The following KCNMB2 variants were observed in gnomAD, a reference collection of about 807,000 sequenced individuals.
KCNMB2 encodes potassium calcium-activated channel subfamily M regulatory beta subunit 2, also known as calcium-activated potassium channel subunit beta-2.
Under a neutral mutation model 24.5 loss-of-function variants are expected in KCNMB2, and 9 were observed. The observed-to-expected ratio is 0.37, with a 90% CI of 0.22 to 0.64. KCNMB2 has a LOEUF of 0.64. Among genes scored for constraint, KCNMB2 ranks in the 30% least tolerant of loss-of-function variants. KCNMB2 has a pLI of 0.63. For missense variants in KCNMB2, 226 were observed against 284.3 expected, an observed-to-expected ratio of 0.79 and a Z score of 1.47; for synonymous variants, 109 against 104.4, an observed-to-expected ratio of 1.04 and a Z score of -0.27.
At chr3:178,598,458 G>A (rs992873606) in intron 1 of KCNMB2, among the ~76,000 whole-genome samples, 1 of 152,004 alleles carries the variant, frequency 6.6e-6, no homozygotes, top group Admixed American at 6.6e-5. Context: ...ACTCATTCTG[G>A]TAAGGAAACT....
At chr3:178,694,841 T>G (rs1046351148) in intron 1 of KCNMB2, among the ~76,000 whole-genome samples, 2 of 152,122 alleles carry the variant, frequency 1.3e-5, no homozygotes, top group African/African-American at 4.8e-5. Flanking sequence ...CTTTTCCAGG[T>G]GTACGGTGCA....
chr3:178,764,234 G>A (rs6443580), intron 1 of KCNMB2, among the ~76,000 whole-genome samples: 72,832 of 152,022 alleles, frequency 0.48, 17,899 homozygotes, highest in African/African-American at 0.6. Flanking sequence ...GGCACACTGA[G>A]TTATAAACTG....
In KCNMB2 at chr3:178,828,396, T is replaced by C. The variant is rs771819802; in HGVS notation, c.423+23T>C. ...AAGGTAGGAACTTGGCGTACTGCATTTCAGTTACCCCACAGAGCTTCACAC... is the reference window on the plus strand; with the variant it reads ...AAGGTAGGAACTTGGCGTACTGCATCTCAGTTACCCCACAGAGCTTCACAC... On this transcript the variant is annotated intron_variant, in intron 4 of 4. Transcript: ENST00000452583. 1.2e-5 allele frequency: 19 copies of C among 1,575,572 alleles called. 1 individual carries two copies. The Admixed American group carries it at 2.4e-4, about 20-fold the overall frequency.
At chr3:178,836,007 A>G (rs1269639555) in intron 4 of KCNMB2, among the ~76,000 whole-genome samples, 1 of 152,184 alleles carries the variant, frequency 6.6e-6, no homozygotes, top group African/African-American at 2.4e-5. Flanking sequence ...CAAGAATAAG[A>G]CAATTCCCTC....
At chr3:178,645,992 C>T (rs557119787) in intron 1 of KCNMB2, among the ~76,000 whole-genome samples, 52 of 152,098 alleles carry the variant, frequency 3.4e-4, no homozygotes, top group Admixed American at 7.2e-4. Flanking sequence ...TATTTTTTTC[C>T]GCTTAGAAGT....
At chr3:178,839,060 C>A (rs1157197925) in intron 4 of KCNMB2, among the ~76,000 whole-genome samples, 1 of 152,000 alleles carries the variant, frequency 6.6e-6, no homozygotes, top group African/African-American at 2.4e-5. Context: ...ATAAGTTAAT[C>A]ATTTGATTAC....
chr3:178,556,785 C>T (rs183163484), intron 1 of KCNMB2, among the ~76,000 whole-genome samples: 9 of 152,164 alleles, frequency 5.9e-5, no homozygotes, highest in Admixed American at 2.0e-4. Context: ...AAAGGAAGAG[C>T]GAATTTTACA....
At chr3:178,576,553 A>G (rs1294564274) in intron 1 of KCNMB2, among the ~76,000 whole-genome samples, 1 of 152,148 alleles carries the variant, frequency 6.6e-6, no homozygotes, top group African/African-American at 2.4e-5. Flanking sequence ...AGCTCAGCAG[A>G]TCCCACCCCC....
At chr3:178,613,853 T>C (rs1718583703) in intron 1 of KCNMB2, among the ~76,000 whole-genome samples, 1 of 152,162 alleles carries the variant, frequency 6.6e-6, no homozygotes, top group Non-Finnish European at 1.5e-5. Flanking sequence ...ACGTGGATAC[T>C]GATATCTTTC....
intron 1 of KCNMB2, among the ~76,000 whole-genome samples, chr3:178,765,769 T>C (rs1712092509): frequency 6.6e-6 from 1 of 152,222 alleles, no homozygotes; most frequent in South Asian, 2.1e-4. Context: ...TGTTCCCTAG[T>C]ACCAATAACT....
intron 1 of KCNMB2, among the ~76,000 whole-genome samples, chr3:178,792,496 A>T (rs1056728965): frequency 6.6e-5 from 10 of 152,204 alleles, no homozygotes; most frequent in Non-Finnish European, 1.2e-4. Context: ...CGGGAAGAAA[A>T]GAAGGAAGAA....
At chr3:178,787,002 C>T (rs1412825321) in intron 1 of KCNMB2, among the ~76,000 whole-genome samples, 2 of 152,034 alleles carry the variant, frequency 1.3e-5, no homozygotes, top group Non-Finnish European at 2.9e-5. Flanking sequence ...TCATCTTTTT[C>T]AATCCCACAT....
intron 1 of KCNMB2, among the ~76,000 whole-genome samples, chr3:178,779,225 G>C (rs550454709): frequency 6.6e-6 from 1 of 152,272 alleles, no homozygotes; most frequent in Admixed American, 6.5e-5. Flanking sequence ...CCATTTGATG[G>C]CCTTTCCCAG....
At chr3:178,661,502 T>G (rs543352911) in intron 1 of KCNMB2, among the ~76,000 whole-genome samples, 1 of 152,276 alleles carries the variant, frequency 6.6e-6, no homozygotes, top group East Asian at 1.9e-4. Context: ...CAGTCTCTCT[T>G]GCGGTCACTC....
chr3:178,580,105 T>C (rs1270120952), intron 1 of KCNMB2, among the ~76,000 whole-genome samples: 6 of 152,190 alleles, frequency 3.9e-5, no homozygotes, highest in African/African-American at 7.2e-5. Context: ...CTGATGAACA[T>C]TGATGTGAAA....
chr3:178,676,302 A>T (rs975402557), intron 1 of KCNMB2, among the ~76,000 whole-genome samples: 3 of 152,138 alleles, frequency 2.0e-5, no homozygotes, highest in African/African-American at 7.2e-5. Flanking sequence ...TAAAGGCTTC[A>T]CTCCATGGTT....
chr3:178,725,015 A>G (rs1722923750), intron 1 of KCNMB2, among the ~76,000 whole-genome samples: 1 of 152,100 alleles, frequency 6.6e-6, no homozygotes, highest in Non-Finnish European at 1.5e-5. Flanking sequence ...TTGGTGAGAA[A>G]TGAATTTTAG....
At chr3:178,641,294 T>C (rs1269783140) in intron 1 of KCNMB2, among the ~76,000 whole-genome samples, 1 of 152,182 alleles carries the variant, frequency 6.6e-6, no homozygotes, top group Non-Finnish European at 1.5e-5. Context: ...AGAATTAACA[T>C]CTTAATATTA....
intron 1 of KCNMB2, among the ~76,000 whole-genome samples, chr3:178,697,257 T>C (rs894270918): frequency 3.9e-5 from 6 of 152,232 alleles, no homozygotes; most frequent in Middle Eastern, 3.2e-3. Context: ...TGAAGGTCTC[T>C]AAGAATTTGC....
Sources: allele counts gnomAD v4.1 joint callset (sites outside exome capture counted in the v4.1 genomes callset), GRCh38; gene constraint gnomAD v4.1.1; transcripts MANE v1.5; gene names NCBI Gene and HGNC (gene_info 2026-07-23, HGNC 2026-07-21).